The following LIX1 variants were observed in gnomAD, a reference collection of about 807,000 sequenced individuals.
The protein encoded by LIX1 is protein limb expression 1 homolog.
LIX1 carries 24 observed loss-of-function variants against 33.4 expected under a neutral mutation model. That is an observed-to-expected ratio of 0.72 (90% CI 0.52 to 1.01). LIX1 has a LOEUF of 1.01. Among genes scored for constraint, LIX1 ranks in the 50% least tolerant of loss-of-function variants. LIX1 has a pLI of 0.00. For missense variants in LIX1, 311 were observed against 339.2 expected (o/e 0.92, Z 0.65); for synonymous variants, 124 against 124.0 (o/e 1.00, Z 0.00).
At chr5:97,125,338 A>G (rs564326403) in intron 1 of LIX1, among the ~76,000 whole-genome samples, 6 of 152,376 alleles carry the variant, frequency 3.9e-5, no homozygotes, top group Non-Finnish European at 7.3e-5. Flanking sequence ...TGGTTTGTTT[A>G]TCCTGTACTG....
intron 2 of LIX1, among the ~76,000 whole-genome samples, chr5:97,112,893 C>T (rs1045417535): frequency 2.0e-5 from 3 of 152,144 alleles, no homozygotes; most frequent in African/African-American, 7.2e-5. Flanking sequence ...CCAGTGACCC[C>T]TGCCCCGTGG....
chr5:97,127,515 C>T (rs80016765), intron 1 of LIX1, among the ~76,000 whole-genome samples: 7,364 of 152,056 alleles, frequency 0.048, 261 homozygotes, highest in South Asian at 0.099. Flanking sequence ...CTATTCTTGT[C>T]GACTCAAAAA....
intron 2 of LIX1, among the ~76,000 whole-genome samples, chr5:97,116,357 C>T (rs1375154615): frequency 1.3e-5 from 2 of 151,932 alleles, no homozygotes; most frequent in Non-Finnish European, 2.9e-5. Context: ...CGTGTCTATC[C>T]ATAGGTCAGG....
chr5:97,099,705 T>C (rs987235170), intron 4 of LIX1, among the ~76,000 whole-genome samples: 10 of 151,908 alleles, frequency 6.6e-5, no homozygotes, highest in Admixed American at 1.3e-4. Context: ...GGTGTGGTGG[T>C]GGGTACCTGT....
intron 2 of LIX1, among the ~76,000 whole-genome samples, chr5:97,121,694 C>T (rs1231562065): frequency 6.6e-6 from 1 of 152,134 alleles, no homozygotes; most frequent in Non-Finnish European, 1.5e-5. Flanking sequence ...CTTTTACATT[C>T]TGTGCTGCTT....
At chr5:97,108,206 C>G (rs1485260068) in intron 2 of LIX1, among the ~76,000 whole-genome samples, 1 of 152,166 alleles carries the variant, frequency 6.6e-6, no homozygotes, top group Non-Finnish European at 1.5e-5. Flanking sequence ...ACATTTGTCC[C>G]CCACCTTCCT....
intron 2 of LIX1, among the ~76,000 whole-genome samples, chr5:97,119,639 T>A (rs1307698957): frequency 6.6e-6 from 1 of 152,166 alleles, no homozygotes; most frequent in Non-Finnish European, 1.5e-5. Flanking sequence ...TAAAATATGA[T>A]GATTTAAACA....
chr5:97,129,452 A>G (rs1470950169), intron 1 of LIX1, among the ~76,000 whole-genome samples: 3 of 152,180 alleles, frequency 2.0e-5, no homozygotes, highest in Non-Finnish European at 4.4e-5. Context: ...TGTAGGAAGA[A>G]GTGACCATTC....
rs1381939577 is a variant in LIX1 at position 97,096,843 on chromosome 5, T to C, written c.528A>G (p.Leu176=). The stretch of plus-strand genomic sequence containing the variant: ...AACACTTTGTTTCACGAAGGGCTTT[T>C]AGGCTTCCATTCCAGTGCAATAGTT... ...IFQLLHWNGS[L]KALRETKCSR... Residue 176 remains leucine (L), a synonymous_variant, in exon 5 of 6, where the codon CTA becomes CTG. Transcript: ENST00000274382. 6.2e-7 allele frequency: 1 copy of C among 1,614,098 alleles called. No homozygotes were observed. Among genetic ancestry groups the C allele is most frequent in the Non-Finnish European group, 8.5e-7 (1 of 1,179,932 alleles).
intron 1 of LIX1, among the ~76,000 whole-genome samples, chr5:97,140,354 A>G (rs1203093105): frequency 1.3e-5 from 2 of 152,162 alleles, no homozygotes; most frequent in African/African-American, 4.8e-5. Context: ...AGGAATTGGC[A>G]GTGATGTGCT....
chr5:97,107,152 A>C (rs958219237), intron 3 of LIX1, among the ~76,000 whole-genome samples: 12 of 152,244 alleles, frequency 7.9e-5, no homozygotes, highest in Admixed American at 7.2e-4. Context: ...AATTGTGATC[A>C]GAGAGATTAA....
intron 5 of LIX1, among the ~76,000 whole-genome samples, chr5:97,096,389 A>G: frequency 6.6e-6 from 1 of 152,172 alleles, no homozygotes; most frequent in South Asian, 2.1e-4. Flanking sequence ...AGGAATGGGA[A>G]ATACTCTTCT....
rs1013375550 is a variant in LIX1 at position 97,093,885 on chromosome 5, C to A, written c.*863G>T. Reference sequence around the variant, plus strand: ...TCTTTGTTACATGCTAATAATTTTTCAAAATGTTTTAACCTTTAAAATGCC... The same window carrying A: ...TCTTTGTTACATGCTAATAATTTTTAAAAATGTTTTAACCTTTAAAATGCC... On this transcript the variant is annotated 3_prime_UTR_variant, in exon 6 of 6. Transcript: ENST00000274382. 1 of 152,238 alleles carries A rather than the reference C, an allele frequency of 6.6e-6. No homozygotes were observed. The highest frequency in any genetic ancestry group is 2.4e-5 in the African/African-American group (1 of 41,430). The allele number at this position is 152,238 out of a possible 1,614,324, so 9.4% of individuals were successfully genotyped here.
At chr5:97,105,428 T>C in intron 3 of LIX1, 143 bp from the exon 4 acceptor site, 1 of 619,010 alleles carries the variant, frequency 1.6e-6, no homozygotes, top group Non-Finnish European at 2.9e-6. Context: ...TCCAGTAGAT[T>C]TGAGAGTTTT....
At chr5:97,135,596 A>G (rs1220560522) in intron 1 of LIX1, among the ~76,000 whole-genome samples, 1 of 152,192 alleles carries the variant, frequency 6.6e-6, no homozygotes, top group Non-Finnish European at 1.5e-5. Context: ...AGGTGGGCGG[A>G]TCACTTGAGG....
At chr5:97,136,855 T>C (rs1217931849) in intron 1 of LIX1, among the ~76,000 whole-genome samples, 2 of 152,060 alleles carry the variant, frequency 1.3e-5, no homozygotes, top group Non-Finnish European at 2.9e-5. Flanking sequence ...TCAATAGGAT[T>C]CTTTTTTTTT....
At chr5:97,130,876 G>T (rs566946301) in intron 1 of LIX1, among the ~76,000 whole-genome samples, 1 of 152,302 alleles carries the variant, frequency 6.6e-6, no homozygotes, top group Middle Eastern at 3.4e-3. Context: ...CTCTAACACG[G>T]TGATAGGCCC....
chr5:97,103,217 C>A (rs1023837394), intron 4 of LIX1: 4 of 357,720 alleles, frequency 1.1e-5, no homozygotes, highest in South Asian at 9.0e-5. Context: ...CAGATCGACT[C>A]TTTTATCCTA....
chr5:97,138,477 T>TA (rs1014844284), intron 1 of LIX1, among the ~76,000 whole-genome samples: 10 of 152,326 alleles, frequency 6.6e-5, no homozygotes, highest in African/African-American at 1.9e-4. Context: ...AATGTCAATA[T>TA]AAACTTTTCC....
Sources: allele counts gnomAD v4.1 joint callset (sites outside exome capture counted in the v4.1 genomes callset), GRCh38; gene constraint gnomAD v4.1.1; transcripts MANE v1.5; gene names NCBI Gene and HGNC (gene_info 2026-07-23, HGNC 2026-07-21).